PCDH11Y: variants seen among roughly 807,000 people sequenced by gnomAD.
PCDH11Y encodes protocadherin 11 Y-linked, also known as protocadherin-11 Y-linked.
For missense variants in PCDH11Y, 12 were observed against 224.8 expected (o/e 0.05, Z 6.05); for synonymous variants, 9 against 83.6 (o/e 0.11, Z 4.87).
intron 4 of PCDH11Y, among the ~76,000 whole-genome samples, chrY:5,597,493 T>A (rs2124699177): frequency 3.6e-5 from 1 of 27,618 alleles, no homozygotes; most frequent in East Asian, 9.1e-4. Flanking sequence ...TGTACTAATT[T>A]AGATTCCCTT....
intron 1 of PCDH11Y, among the ~76,000 whole-genome samples, chrY:5,068,459 G>A: frequency 3.2e-5 from 1 of 31,698 alleles, no homozygotes; most frequent in East Asian, 8.1e-4. Context: ...CACAGAGGCA[G>A]TGGACAAATG....
At chrY:5,647,913 C>A (rs2053528626) in intron 4 of PCDH11Y, among the ~76,000 whole-genome samples, 1 of 32,958 alleles carries the variant, frequency 3.0e-5, no homozygotes, top group African/African-American at 1.2e-4. Context: ...AATAAGAATT[C>A]AAATTATTAT....
intron 2 of PCDH11Y, among the ~76,000 whole-genome samples, chrY:5,319,677 C>T: frequency 3.1e-5 from 1 of 32,777 alleles, no homozygotes; most frequent in Non-Finnish European, 7.5e-5. Context: ...CCCCTAACCC[C>T]CAATCCCCAG....
chrY:5,349,127 T>A (rs2053155145), intron 2 of PCDH11Y, among the ~76,000 whole-genome samples: 2 of 27,446 alleles, frequency 7.3e-5, no homozygotes, highest in Admixed American at 7.0e-4. Context: ...AAACTCCATT[T>A]AAAAAAAAAA....
downstream of PCDH11Y, among the ~76,000 whole-genome samples, chrY:5,102,411 T>C: frequency 3.1e-5 from 1 of 32,712 alleles, no homozygotes. Context: ...GGGTTTAATT[T>C]GTGACTTTCT....
downstream of PCDH11Y, among the ~76,000 whole-genome samples, chrY:5,108,000 A>G (rs2124638214): frequency 7.1e-5 from 2 of 28,281 alleles, no homozygotes; most frequent in East Asian, 9.7e-4. Context: ...CGGAGCTTGC[A>G]GTGAGCCGAG....
chrY:5,110,945 C>T, intron 2 of PCDH11Y, among the ~76,000 whole-genome samples: 1 of 31,388 alleles, frequency 3.2e-5, no homozygotes, highest in African/African-American at 1.2e-4. Context: ...CATGGACTCT[C>T]AACACTAGTT....
chrY:5,195,267 C>T (rs1602884061), intron 2 of PCDH11Y, among the ~76,000 whole-genome samples: 44 of 33,464 alleles, frequency 1.3e-3, no homozygotes, highest in South Asian at 2.7e-3. Context: ...TTCTGCCTTT[C>T]GAAAACTTCA....
At chrY:5,477,548 T>C in intron 2 of PCDH11Y, among the ~76,000 whole-genome samples, 2 of 32,519 alleles carry the variant, frequency 6.2e-5, no homozygotes, top group African/African-American at 2.4e-4. Flanking sequence ...GAGGAGTCCC[T>C]CTTTTACTAT....
intron 3 of PCDH11Y, among the ~76,000 whole-genome samples, chrY:5,520,664 G>T: frequency 2.6e-4 from 8 of 30,496 alleles, no homozygotes; most frequent in African/African-American, 8.9e-4. Flanking sequence ...TTGTTGAGTT[G>T]CATGTTCAAC....
intron 2 of PCDH11Y, among the ~76,000 whole-genome samples, chrY:5,363,594 T>C (rs1602911963): frequency 3.3e-5 from 1 of 30,675 alleles, no homozygotes; most frequent in African/African-American, 1.3e-4. Flanking sequence ...CAATCTAGGA[T>C]GCAAATGTTT....
chrY:5,206,195 C>A, intron 2 of PCDH11Y, among the ~76,000 whole-genome samples: 1 of 32,955 alleles, frequency 3.0e-5, no homozygotes, highest in Non-Finnish European at 7.4e-5. Flanking sequence ...TGAGACTGGG[C>A]AATTTATAAA....
intron 2 of PCDH11Y, among the ~76,000 whole-genome samples, chrY:5,350,057 T>C (rs2053156154): frequency 3.1e-5 from 1 of 32,413 alleles, no homozygotes; most frequent in Admixed American, 2.9e-4. Flanking sequence ...CATTGCTTCA[T>C]AGGTACATTA....
At chrY:5,207,481 T>C (rs2052933621) in intron 2 of PCDH11Y, 1 of 316,759 alleles carries the variant, frequency 3.2e-6, no homozygotes, top group African/African-American at 7.0e-5. Flanking sequence ...GTTCACTTTC[T>C]GGTAAATGAG....
At chrY:5,251,672 T>C in intron 2 of PCDH11Y, among the ~76,000 whole-genome samples, 1 of 32,574 alleles carries the variant, frequency 3.1e-5, no homozygotes, top group South Asian at 6.7e-4. Flanking sequence ...TGTGTGTATG[T>C]GTATATATAC....
At chrY:5,304,684 C>T in intron 2 of PCDH11Y, among the ~76,000 whole-genome samples, 1 of 32,753 alleles carries the variant, frequency 3.1e-5, no homozygotes, top group Non-Finnish European at 7.5e-5. Context: ...CGACTTGGCC[C>T]AGCATGCTGG....
At chrY:5,288,959 T>A (rs2124661647) in intron 2 of PCDH11Y, among the ~76,000 whole-genome samples, 1 of 33,045 alleles carries the variant, frequency 3.0e-5, no homozygotes, top group South Asian at 6.7e-4. Flanking sequence ...AAAATCTAAC[T>A]TTATAGTTTA....
intron 3 of PCDH11Y, among the ~76,000 whole-genome samples, chrY:5,570,345 G>C (rs2124696161): frequency 6.8e-5 from 2 of 29,362 alleles, no homozygotes; most frequent in Non-Finnish European, 1.6e-4. Context: ...GTTCTCCACA[G>C]TAGATATCCA....
At chrY:5,567,348 A>T in intron 3 of PCDH11Y, among the ~76,000 whole-genome samples, 1 of 31,932 alleles carries the variant, frequency 3.1e-5, no homozygotes, top group Non-Finnish European at 7.6e-5. Flanking sequence ...AACTGTACCT[A>T]CTTGCTTTGT....
Sources: allele counts gnomAD v4.1 joint callset (sites outside exome capture counted in the v4.1 genomes callset), GRCh38; gene constraint gnomAD v4.1.1; transcripts MANE v1.5; gene names NCBI Gene and HGNC (gene_info 2026-07-23, HGNC 2026-07-21).